The following DPPA4 variants were observed in gnomAD, a reference collection of about 807,000 sequenced individuals.
The protein encoded by DPPA4 is developmental pluripotency associated 4, also known as developmental pluripotency-associated protein 4.
Under a neutral mutation model 33.7 loss-of-function variants are expected in DPPA4, and 22 were observed. The ratio of observed to expected loss-of-function variants is 0.65; its 90% CI spans 0.47 to 0.93. The LOEUF (loss-of-function observed/expected upper bound fraction) is 0.93. Among genes scored for constraint, DPPA4 ranks in the 40% least tolerant of loss-of-function variants. The pLI is 0.00. For synonymous variants in DPPA4, 156 were observed against 132.3 expected (o/e 1.18, Z -1.23); for missense variants, 340 against 358.6 (o/e 0.95, Z 0.42).
chr3:109,328,312 T>A lies in DPPA4; in HGVS notation c.879-288A>T, dbSNP rs569016038. 1.6e-4 allele frequency among the ~76,000 whole-genome samples: 25 copies of A among 152,260 alleles called. No homozygotes were observed. The South Asian group carries it at 5.2e-3, about 32-fold the overall frequency. ...CATTAAAGGACTACCCAAAGTGACC[T>A]CCTCAGTTCTCTTCAACTTGCTTGG... On this transcript the variant is annotated intron_variant, in intron 6 of 6. Transcript: ENST00000335658.
chr3:109,336,260 T>G (rs559834584), intron 1 of DPPA4: 1 of 152,176 alleles, frequency 6.6e-6, no homozygotes, highest in African/African-American at 2.4e-5. Flanking sequence ...TACATCTCTA[T>G]AGCAGTTCTA....
intron 4 of DPPA4, among the ~76,000 whole-genome samples, 196 bp from the exon 5 acceptor site, chr3:109,331,008 T>A (rs1341733865): frequency 1.3e-5 from 2 of 152,074 alleles, no homozygotes; most frequent in Admixed American, 6.6e-5. Context: ...GGCCACCCAG[T>A]GGCTCAGGTC....
chr3:109,337,307 T>C (rs1478560750), intron 1 of DPPA4, among the ~76,000 whole-genome samples, 157 bp downstream of exon 1: 3 of 151,002 alleles, frequency 2.0e-5, no homozygotes, highest in Non-Finnish European at 4.4e-5. Context: ...GCTGCAATCA[T>C]ATTCTTGGGC....
chr3:109,330,497 A>G, intron 5 of DPPA4, 27 bp downstream of exon 5: 1 of 1,611,980 alleles, frequency 6.2e-7, no homozygotes, highest in African/African-American at 1.3e-5. Flanking sequence ...CCATTGGACC[A>G]GAATAAGCTC....
intron 1 of DPPA4, 70 bp from the exon 2 acceptor site, chr3:109,334,063 A>ATAAC: frequency 6.4e-7 from 1 of 1,573,190 alleles, no homozygotes; most frequent in Non-Finnish European, 8.6e-7. Flanking sequence ...CTGCCTCAAG[A>ATAAC]TAACTCACTT....
In DPPA4 at chr3:109,333,851, G is replaced by A. The variant is rs747748309; in HGVS notation, c.178+19C>T. ...TAAGACCCGAGAAGGTGGGATTTGA[G>A]AATTTGAAGACCTCTTACCTTTACT... On this transcript the variant is annotated intron_variant, in intron 2 of 6. Coordinates refer to ENST00000335658, the MANE Select transcript of DPPA4 (RefSeq NM_018189.4). 2.0e-5 allele frequency: 32 copies of A among 1,610,356 alleles called. No homozygotes were observed. The East Asian group carries it at 7.1e-4, about 36-fold the overall frequency.
chr3:109,337,535 T>C lies in DPPA4; in HGVS notation c.-18A>G, dbSNP rs775911592. The C allele has an allele frequency of 1.2e-6, 2 of 1,613,878 alleles. No individual in the cohort carries two copies. The highest frequency in any genetic ancestry group is 2.2e-5 in the South Asian group (2 of 91,078). On this transcript the variant is annotated 5_prime_UTR_variant, in exon 1 of 7. Transcript: ENST00000335658. The stretch of plus-strand genomic sequence containing the variant: ...CGCAACATGCTTCCAAAATGGCCCC[T>C]GCCCCAAGATTGCTATTTGCAAAGT...
At chr3:109,335,882 G>C (rs534955122) in intron 1 of DPPA4, among the ~76,000 whole-genome samples, 136 of 151,998 alleles carry the variant, frequency 8.9e-4, no homozygotes, top group Middle Eastern at 3.4e-3. Flanking sequence ...GCTAGGCTCC[G>C]TGGCTCACGC....
At chr3:109,333,757 G>C in intron 2 of DPPA4, 113 bp downstream of exon 2, 1 of 1,314,830 alleles carries the variant, frequency 7.6e-7, no homozygotes, top group Non-Finnish European at 1.1e-6. Context: ...ATGAAGTGCA[G>C]GATTTGCACA....
intron 1 of DPPA4, 70 bp downstream of exon 1, chr3:109,337,394 A>C: frequency 1.4e-6 from 2 of 1,436,556 alleles, no homozygotes; most frequent in South Asian, 2.3e-5. Context: ...TAAAGGAAAA[A>C]TCAGGAGTGC....
intron 6 of DPPA4, 35 bp downstream of exon 6, chr3:109,328,855 C>T: frequency 1.9e-6 from 3 of 1,572,698 alleles, no homozygotes; most frequent in Non-Finnish European, 2.6e-6. Flanking sequence ...ATCCGGCACC[C>T]ACTTTTAGTT....
chr3:109,329,759 A>T (rs558834627), intron 5 of DPPA4: 1 of 152,582 alleles, frequency 6.6e-6, no homozygotes. Context: ...CTTCCAACAT[A>T]TAAGGTAGGT....
intron 4 of DPPA4, among the ~76,000 whole-genome samples, chr3:109,331,053 G>GA (rs1559708511): frequency 6.6e-6 from 1 of 151,784 alleles, no homozygotes; most frequent in African/African-American, 2.4e-5. Flanking sequence ...CAAGGTGGGT[G>GA]AAACACTTGA....
chr3:109,327,802 C>A lies in DPPA4; in HGVS notation c.*186G>T. The A allele has an allele frequency of 2.0e-6, 1 of 510,558 alleles. No individual in the cohort carries two copies. Among genetic ancestry groups the A allele is most frequent in the Non-Finnish European group, 3.5e-6 (1 of 286,180 alleles). 31.6% of individuals were successfully genotyped at this position (510,558 alleles called of 1,614,324 possible). On this transcript the variant is annotated 3_prime_UTR_variant, in exon 7 of 7. Coordinates refer to ENST00000335658, the MANE Select transcript of DPPA4 (RefSeq NM_018189.4). The stretch of plus-strand genomic sequence containing the variant: ...TTTCCATTTTTAAATGTAAGAGTCT[C>A]TATCTCCACTCACAAAGCAACAGGC...
chr3:109,336,013 C>T lies in DPPA4; in HGVS notation c.54+1451G>A, dbSNP rs539802403. 3.3e-5 allele frequency among the ~76,000 whole-genome samples: 5 copies of T among 151,478 alleles called. No homozygotes were observed. The South Asian group carries it at 8.4e-4, about 25-fold the overall frequency. The stretch of plus-strand genomic sequence containing the variant: ...ACCAAAAATACAAAAACTACCTGGG[C>T]GTGGTGGTGCGTGCCTGCAATCCCA... On this transcript the variant is annotated intron_variant, in intron 1 of 6. Transcript: ENST00000335658.
upstream of DPPA4, chr3:109,337,642 C>G: frequency 3.7e-6 from 3 of 804,256 alleles, no homozygotes; most frequent in Non-Finnish European, 6.3e-6. Flanking sequence ...GTTCCCTCCC[C>G]CACAATTTGT....
Position 109,330,947 on chromosome 3 carries a change from A to G in DPPA4, c.391-135T>C, listed in dbSNP as rs923466666. ...CAAGAGATCTATTGTACAAGTTGGT[A>G]ACTATACATAGTTAATAACAATGTA... On this transcript the variant is annotated intron_variant, in intron 4 of 6. Coordinates refer to ENST00000335658, the MANE Select transcript of DPPA4 (RefSeq NM_018189.4). 7.0e-6 allele frequency: 6 copies of G among 855,504 alleles called. No homozygotes were observed. In the African/African-American group the frequency reaches 8.6e-5, roughly 12 times the overall value. 53.0% of individuals were successfully genotyped at this position (855,504 alleles called of 1,614,324 possible).
At chr3:109,329,135 C>T in intron 5 of DPPA4, 47 bp from the exon 6 acceptor site, 1 of 1,560,542 alleles carries the variant, frequency 6.4e-7, no homozygotes, top group Admixed American at 1.7e-5. Flanking sequence ...ACCAGGATGA[C>T]ATACTGATGT....
At position 109,335,027 on chromosome 3, in the gene DPPA4, C is replaced by G. The variant is rs190508588; in HGVS notation, c.55-1034G>C. On this transcript the variant is annotated intron_variant, in intron 1 of 6. Transcript: ENST00000335658. ...CATAGGCACTCAATAAATATTGGTT[C>G]ATTGAATTAAAGGAAGCAAAGTGGG... Among the ~76,000 whole-genome samples the G allele has an allele frequency of 3.1e-3, 476 of 152,222 alleles. 1 individual carries two copies. Among genetic ancestry groups the G allele is most frequent in the African/African-American group, 0.011 (451 of 41,532 alleles).
Sources: gnomAD v4.1 joint callset for allele counts (sites outside exome capture counted in the v4.1 genomes callset) on GRCh38, gnomAD v4.1.1 for gene constraint, MANE v1.5 for transcripts, NCBI Gene and HGNC (gene_info 2026-07-23, HGNC 2026-07-21) for gene names.